FBXL7: variants seen among roughly 807,000 people sequenced by gnomAD.
The protein encoded by FBXL7 is F-box/LRR-repeat protein 7.
In FBXL7, 12 loss-of-function variants were observed where a neutral mutation model predicts 38.3. The observed-to-expected ratio is 0.31, with a 90% CI of 0.20 to 0.51. The LOEUF is 0.51. FBXL7 is among the 20% of genes least tolerant of loss of function. The pLI is 0.98. For missense variants in FBXL7, 567 were observed against 676.4 expected, an observed-to-expected ratio of 0.84 and a Z score of 1.79; for synonymous variants, 297 against 300.9, an observed-to-expected ratio of 0.99 and a Z score of 0.13.
chr5:15,704,729 G>T (rs543579845), intron 2 of FBXL7, among the ~76,000 whole-genome samples: 1 of 152,232 alleles, frequency 6.6e-6, no homozygotes, highest in Admixed American at 6.5e-5. Flanking sequence ...ATTTGACAAT[G>T]CAGCATACTA....
intron 1 of FBXL7, among the ~76,000 whole-genome samples, chr5:15,540,584 C>G (rs931219042): frequency 9.2e-5 from 14 of 152,156 alleles, no homozygotes; most frequent in Admixed American, 7.9e-4. Context: ...CACCTGGTAT[C>G]TTGTCCATTC....
chr5:15,571,778 G>C (rs1313207147), intron 1 of FBXL7, among the ~76,000 whole-genome samples: 3 of 152,032 alleles, frequency 2.0e-5, no homozygotes, highest in Non-Finnish European at 4.4e-5. Flanking sequence ...CCTTCTCCAT[G>C]GTGCTTGCTC....
chr5:15,751,781 T>A (rs1283975361), intron 2 of FBXL7, among the ~76,000 whole-genome samples: 1 of 152,200 alleles, frequency 6.6e-6, no homozygotes, highest in Non-Finnish European at 1.5e-5. Context: ...TTTGGAGGAT[T>A]TGCTCTCATT....
chr5:15,593,850 G>A (rs1259916398), intron 1 of FBXL7, among the ~76,000 whole-genome samples: 6 of 152,044 alleles, frequency 3.9e-5, no homozygotes, highest in Admixed American at 3.9e-4. Flanking sequence ...ATGTAACTAC[G>A]TCTTGGGCAC....
chr5:15,639,305 C>T (rs892322920), intron 2 of FBXL7, among the ~76,000 whole-genome samples: 5 of 152,180 alleles, frequency 3.3e-5, no homozygotes, highest in Non-Finnish European at 5.9e-5. Flanking sequence ...CCACCCAAAT[C>T]TCATCTTGTA....
intron 2 of FBXL7, among the ~76,000 whole-genome samples, chr5:15,688,910 A>G (rs540534364): frequency 2.0e-5 from 3 of 152,182 alleles, no homozygotes; most frequent in Non-Finnish European, 4.4e-5. Context: ...CACCACACAG[A>G]GGGGTGGGAG....
At chr5:15,573,007 G>T (rs1030611481) in intron 1 of FBXL7, among the ~76,000 whole-genome samples, 1 of 152,120 alleles carries the variant, frequency 6.6e-6, no homozygotes, top group Non-Finnish European at 1.5e-5. Context: ...TCTCACTCTG[G>T]ATTTTAGAGA....
At chr5:15,675,461 G>T (rs1340051194) in intron 2 of FBXL7, among the ~76,000 whole-genome samples, 1 of 152,232 alleles carries the variant, frequency 6.6e-6, no homozygotes, top group Non-Finnish European at 1.5e-5. Flanking sequence ...TGAAAAGGCT[G>T]TTGAATTGCT....
chr5:15,790,360 C>T (rs115322877), intron 2 of FBXL7, among the ~76,000 whole-genome samples: 1 of 152,162 alleles, frequency 6.6e-6, no homozygotes, highest in African/African-American at 2.4e-5. Context: ...CCTTGTTCAA[C>T]CTCTTTGTGA....
chr5:15,615,476 ATGT>A lies in FBXL7; in HGVS notation c.38-505_38-503del, dbSNP rs145824518. 2.2e-3 allele frequency among the ~76,000 whole-genome samples: 333 copies of A among 152,306 alleles called. 2 individuals are homozygous for A. Among genetic ancestry groups the A allele is most frequent in the African/African-American group, 7.2e-3 (298 of 41,562 alleles). ...AGAACTGCTGCATTCGAAAAATGAA[ATGT>A]TTTTTGTTGTGTTTTGTTTTTGAAG... On this transcript the variant is annotated intron_variant, in intron 1 of 3. Transcript: ENST00000504595.
chr5:15,512,426 A>G (rs1736824331), intron 1 of FBXL7, among the ~76,000 whole-genome samples: 2 of 152,194 alleles, frequency 1.3e-5, no homozygotes, highest in Admixed American at 6.5e-5. Context: ...GGTCTTCAAT[A>G]TAGTTTTGTT....
chr5:15,905,475 G>T (rs1217053381), intron 2 of FBXL7, among the ~76,000 whole-genome samples: 2 of 151,570 alleles, frequency 1.3e-5, no homozygotes, highest in East Asian at 1.9e-4. Context: ...GCTTCCATCT[G>T]GTCAACCTCT....
chr5:15,744,332 T>C (rs1735960852), intron 2 of FBXL7, among the ~76,000 whole-genome samples: 1 of 152,198 alleles, frequency 6.6e-6, no homozygotes, highest in Admixed American at 6.5e-5. Flanking sequence ...GTTCCACAGA[T>C]CTCTGGAGCA....
At chr5:15,692,232 C>T (rs1743204714) in intron 2 of FBXL7, among the ~76,000 whole-genome samples, 1 of 152,144 alleles carries the variant, frequency 6.6e-6, no homozygotes. Context: ...ATAAGAGTAC[C>T]TACTTCATAG....
At chr5:15,832,432 G>A (rs948539480) in intron 2 of FBXL7, among the ~76,000 whole-genome samples, 4 of 152,284 alleles carry the variant, frequency 2.6e-5, no homozygotes, top group African/African-American at 7.2e-5. Flanking sequence ...TCAGACCTCC[G>A]TGTGAAGTTA....
intron 1 of FBXL7, among the ~76,000 whole-genome samples, chr5:15,559,546 A>G (rs990125852): frequency 6.6e-5 from 10 of 152,308 alleles, no homozygotes; most frequent in African/African-American, 2.4e-4. Flanking sequence ...AAACGATCCT[A>G]AAATCTCTTA....
intron 2 of FBXL7, among the ~76,000 whole-genome samples, chr5:15,639,457 A>C (rs1281665670): frequency 6.6e-6 from 1 of 152,128 alleles, no homozygotes; most frequent in Non-Finnish European, 1.5e-5. Context: ...GTTTCCCTGC[A>C]CAGGCTCTCT....
In FBXL7 at chr5:15,876,789, G is replaced by GAAAAC. The variant is rs1262527301; in HGVS notation, c.128-51101_128-51100insAAAAC. Among the ~76,000 whole-genome samples, 8 of 152,240 alleles carry GAAAAC rather than the reference G, an allele frequency of 5.3e-5. No homozygotes were observed. The East Asian group carries it at 1.4e-3, about 26-fold the overall frequency. ...TAAGCAATTAGAAAACTAAAGTCAG[G>GAAAAC]TAATGCCTTTTAGAAAGTATTTTCA... On this transcript the variant is annotated intron_variant, in intron 2 of 3. Coordinates refer to ENST00000504595, the MANE Select transcript of FBXL7 (RefSeq NM_012304.5).
intron 2 of FBXL7, among the ~76,000 whole-genome samples, chr5:15,624,452 A>G (rs796889206): frequency 2.2e-4 from 33 of 152,362 alleles, no homozygotes; most frequent in African/African-American, 7.7e-4. Context: ...TAACTTTGCC[A>G]TGAAATAGCT....
Sources: allele counts gnomAD v4.1 joint callset (sites outside exome capture counted in the v4.1 genomes callset), GRCh38; gene constraint gnomAD v4.1.1; transcripts MANE v1.5; gene names NCBI Gene and HGNC (gene_info 2026-07-23, HGNC 2026-07-21).